The following PID1 variants were observed in gnomAD, a reference collection of about 807,000 sequenced individuals.
PID1 encodes the protein phosphotyrosine interaction domain containing 1.
Under a neutral mutation model 19.1 loss-of-function variants are expected in PID1, and 10 were observed. The ratio of observed to expected loss-of-function variants is 0.52; its 90% CI spans 0.32 to 0.89. The LOEUF (loss-of-function observed/expected upper bound fraction) is 0.89. Among genes scored for constraint, PID1 ranks in the 40% least tolerant of loss-of-function variants. The pLI is 0.03. For missense variants in PID1, 248 were observed against 285.3 expected, an observed-to-expected ratio of 0.87 and a Z score of 0.94; for synonymous variants, 130 against 116.0, an observed-to-expected ratio of 1.12 and a Z score of -0.78.
chr2:229,102,841 G>A (rs1021101067), intron 2 of PID1, among the ~76,000 whole-genome samples: 1 of 152,190 alleles, frequency 6.6e-6, no homozygotes, highest in African/African-American at 2.4e-5. Context: ...CACCTGCCAT[G>A]CGGCTCATCA....
intron 2 of PID1, among the ~76,000 whole-genome samples, chr2:229,116,551 T>C (rs949563800): frequency 1.1e-4 from 17 of 152,304 alleles, no homozygotes; most frequent in African/African-American, 3.8e-4. Flanking sequence ...TTTCCCGTGC[T>C]GTTCTCATGG....
intron 1 of PID1, among the ~76,000 whole-genome samples, chr2:229,249,385 C>G (rs1023900556): frequency 6.6e-6 from 1 of 152,176 alleles, no homozygotes; most frequent in African/African-American, 2.4e-5. Flanking sequence ...GCCACTCTAT[C>G]TCTTACCTTT....
At chr2:229,262,647 T>G in intron 1 of PID1, 1 of 1,548,086 alleles carries the variant, frequency 6.5e-7, no homozygotes, top group South Asian at 1.2e-5. Context: ...AACCATAAAC[T>G]GGGTAGCTTA....
chr2:229,141,917 C>G (rs145970868), intron 2 of PID1, among the ~76,000 whole-genome samples: 273 of 152,074 alleles, frequency 1.8e-3, no homozygotes, highest in African/African-American at 6.3e-3. Flanking sequence ...AACTGGCACA[C>G]CCAGGAACAC....
chr2:229,065,056 A>C (rs1013442786), intron 2 of PID1, among the ~76,000 whole-genome samples: 1 of 152,162 alleles, frequency 6.6e-6, no homozygotes, highest in Non-Finnish European at 1.5e-5. Context: ...CCATATTGAT[A>C]CTTTGCTTCT....
intron 2 of PID1, among the ~76,000 whole-genome samples, chr2:229,068,793 A>T (rs552538539): frequency 3.3e-5 from 5 of 152,288 alleles, no homozygotes; most frequent in Non-Finnish European, 7.4e-5. Flanking sequence ...TCTGTTTTGT[A>T]GATGAAGAGA....
At chr2:229,256,316 C>G (rs937048855) in intron 1 of PID1, among the ~76,000 whole-genome samples, 4 of 152,122 alleles carry the variant, frequency 2.6e-5, no homozygotes, top group African/African-American at 9.7e-5. Context: ...ATAAATTCCT[C>G]TAATTTTCGA....
At position 229,078,105 on chromosome 2, in the gene PID1, G is replaced by A. The variant is rs527339821; in HGVS notation, c.178-51997C>T. Among the ~76,000 whole-genome samples the A allele has an allele frequency of 3.5e-4, 53 of 152,242 alleles. No homozygotes were observed. The South Asian group carries it at 0.01, about 30-fold the overall frequency. Reference sequence around the variant, plus strand: ...GCAGTGGTTTGTAGTTCTCCTTGAAGGGGACCTTCACATCCCTTGTAAGTT... The same window carrying A: ...GCAGTGGTTTGTAGTTCTCCTTGAAAGGGACCTTCACATCCCTTGTAAGTT... On this transcript the variant is annotated intron_variant, in intron 2 of 2. Coordinates refer to ENST00000392055, the MANE Select transcript of PID1 (RefSeq NM_001100818.2).
intron 1 of PID1, among the ~76,000 whole-genome samples, chr2:229,173,018 C>CT: frequency 6.6e-6 from 1 of 152,146 alleles, no homozygotes; most frequent in East Asian, 1.9e-4. Context: ...CAGGCGTGAA[C>CT]CACTGGCCTC....
At chr2:229,137,001 C>T (rs891219388) in intron 2 of PID1, among the ~76,000 whole-genome samples, 27 of 152,206 alleles carry the variant, frequency 1.8e-4, no homozygotes, top group Non-Finnish European at 3.1e-4. Context: ...TTTCCTACTA[C>T]TAAGCTTTAC....
chr2:229,128,033 G>C (rs1559245740), intron 2 of PID1, among the ~76,000 whole-genome samples: 1 of 152,148 alleles, frequency 6.6e-6, no homozygotes, highest in Non-Finnish European at 1.5e-5. Flanking sequence ...TGTGTGCAGG[G>C]AGATGGCAGG....
chr2:229,202,042 C>T (rs1208115474), intron 1 of PID1, among the ~76,000 whole-genome samples: 1 of 151,980 alleles, frequency 6.6e-6, no homozygotes, highest in Non-Finnish European at 1.5e-5. Context: ...AGAAGTGAAG[C>T]TAGTATTTAA....
intron 2 of PID1, among the ~76,000 whole-genome samples, chr2:229,084,977 CTA>C (rs1469354358): frequency 6.6e-6 from 1 of 152,064 alleles, no homozygotes. Flanking sequence ...CTTTTTAAAA[CTA>C]TGTTTTCTTC....
chr2:229,105,788 C>G (rs1695165189), intron 2 of PID1, among the ~76,000 whole-genome samples: 1 of 152,068 alleles, frequency 6.6e-6, no homozygotes, highest in South Asian at 2.1e-4. Flanking sequence ...AATATTACTT[C>G]CAAGAACATG....
chr2:229,043,533 C>T (rs116771854), intron 2 of PID1, among the ~76,000 whole-genome samples: 5 of 152,142 alleles, frequency 3.3e-5, no homozygotes, highest in Admixed American at 2.0e-4. Flanking sequence ...TTGAGACGAA[C>T]GGCTACTTCA....
chr2:229,030,371 A>G (rs544503551), intron 2 of PID1, among the ~76,000 whole-genome samples: 132 of 152,286 alleles, frequency 8.7e-4, no homozygotes, highest in African/African-American at 3.0e-3. Flanking sequence ...AATGTATTTA[A>G]TATCACTGAA....
intron 1 of PID1, among the ~76,000 whole-genome samples, chr2:229,264,058 A>G (rs894131675): frequency 6.6e-6 from 1 of 152,224 alleles, no homozygotes; most frequent in Non-Finnish European, 1.5e-5. Context: ...AGAGTCTGCT[A>G]GCAGCACTGC....
rs138461041 is a variant in PID1, at chr2:229,208,334, T to G, written c.31-52370A>C. ...AACATTTTTTTCTTAGATCACCACT[T>G]TATCTTGCATCTTTTACCACTTCCC... On this transcript the variant is annotated intron_variant, in intron 1 of 2. Coordinates refer to ENST00000392055, the MANE Select transcript of PID1 (RefSeq NM_001100818.2). Among the ~76,000 whole-genome samples the G allele has an allele frequency of 5.0e-3, 758 of 152,342 alleles. 7 individuals are homozygous for G. Among genetic ancestry groups the G allele is most frequent in the African/African-American group, 0.018 (734 of 41,576 alleles).
chr2:229,102,380 G>A (rs1695090082), intron 2 of PID1, among the ~76,000 whole-genome samples: 1 of 152,074 alleles, frequency 6.6e-6, no homozygotes, highest in South Asian at 2.1e-4. Flanking sequence ...ATTTATTACA[G>A]CAGCAAGAAG....
Sources: allele counts gnomAD v4.1 joint callset (sites outside exome capture counted in the v4.1 genomes callset), GRCh38; gene constraint gnomAD v4.1.1; transcripts MANE v1.5; gene names NCBI Gene and HGNC (gene_info 2026-07-23, HGNC 2026-07-21).